Variants in CD163L1 observed in about 807,000 individuals in gnomAD.
CD163L1 encodes the protein scavenger receptor cysteine-rich type 1 protein M160.
A neutral mutation model predicts 165.4 loss-of-function variants in CD163L1; 124 were observed. That is an observed-to-expected ratio of 0.75 (90% CI 0.65 to 0.87). The LOEUF (loss-of-function observed/expected upper bound fraction) is 0.87, where lower values mean the gene tolerates loss of function less well. Ranked by LOEUF, CD163L1 falls within the 40% of genes least tolerant of loss-of-function variation. CD163L1 has a pLI of 0.00. For synonymous variants in CD163L1, 585 were observed against 662.2 expected (o/e 0.88, Z 1.79); for missense variants, 1,525 against 1,799.9 (o/e 0.85, Z 2.76).
At chr12:7,325,273 A>T in the CD163L1 span, among the ~76,000 whole-genome samples, 1 of 152,282 alleles carries the variant, frequency 6.6e-6, no homozygotes, top group Non-Finnish European at 1.5e-5. Context: ...CAGATACTGC[A>T]TAGGCAAAAG....
At chr12:7,351,434 C>T (rs1157533192), downstream of CD163L1, among the ~76,000 whole-genome samples, 1 of 152,102 alleles carries the variant, frequency 6.6e-6, no homozygotes. Flanking sequence ...TTGCAGACAG[C>T]CATCTTTTCA....
rs1383725942 is a variant in CD163L1, at chr12:7,400,408, A to G, written c.1409-1824T>C. Among the ~76,000 whole-genome samples the G allele has an allele frequency of 6.6e-6, 1 of 152,218 alleles. No homozygotes were observed. Among genetic ancestry groups the G allele is most frequent in the Non-Finnish European group, 1.5e-5 (1 of 68,036 alleles). On this transcript the variant is annotated intron_variant, in intron 6 of 19. Coordinates refer to ENST00000313599, the MANE Select transcript of CD163L1 (RefSeq NM_174941.6). The surrounding 1 kb of genome is among the most constrained non-coding windows in gnomAD (Gnocchi z 4.1). ...AGCAAAGAAAAACTTTTAATTCCTG[A>G]TGCAAACAAATATATAAATGAAGTA...
At chr12:7,383,248 G>A (rs1947450071) in intron 8 of CD163L1, among the ~76,000 whole-genome samples, 1 of 152,100 alleles carries the variant, frequency 6.6e-6, no homozygotes, top group African/African-American at 2.4e-5. Context: ...CAGTAGCCTT[G>A]AGGACAGACC....
chr12:7,330,684 C>T, the CD163L1 span, among the ~76,000 whole-genome samples: 1 of 152,132 alleles, frequency 6.6e-6, no homozygotes, highest in Admixed American at 6.5e-5. Context: ...AGAGAAAATG[C>T]TATTTAATTT....
chr12:7,396,298 G>C lies in CD163L1; in HGVS notation c.1847C>G (p.Ala616Gly), dbSNP rs1335855244. Residue 616 changes from alanine to glycine, a missense_variant, in exon 8 of 20, where the codon GCT (alanine) becomes GGT (glycine). By Grantham distance (60) the Ala-to-Gly change is moderately conservative. Coordinates refer to ENST00000313599, the MANE Select transcript of CD163L1 (RefSeq NM_174941.6). ...CAGCTGGCTACACACCACAGCTGCA[G>C]CTTTACTGTTCCAGCCGTCATCACA... ...TVCDDGWNSK[A>G]AAVVCSQLDC... 2 of 1,614,054 alleles carry C rather than the reference G, an allele frequency of 1.2e-6. No homozygotes were observed. The highest frequency in any genetic ancestry group is 1.7e-6 in the Non-Finnish European group (2 of 1,180,032).
At chr12:7,421,506 T>C (rs1206309155) in intron 4 of CD163L1, among the ~76,000 whole-genome samples, 1 of 82,498 alleles carries the variant, frequency 1.2e-5, no homozygotes, top group Admixed American at 1.4e-4. Context: ...TATGTACATA[T>C]ACATATACAT....
chr12:7,325,626 AAC>A, the CD163L1 span, among the ~76,000 whole-genome samples: 1 of 152,198 alleles, frequency 6.6e-6, no homozygotes, highest in Non-Finnish European at 1.5e-5. Context: ...CAGCCTGGAC[AAC>A]AGAGACAGAC....
Position 7,441,085 on chromosome 12 carries a change from G to A in CD163L1, c.124+69C>T, listed in dbSNP as rs961343530. On this transcript the variant is annotated intron_variant, in intron 2 of 19. Transcript: ENST00000313599. ...CTATTTCCCTCAAAATATGCACTTA[G>A]GGTAGTGAGTAGGGGAAAGGTAGAA... 3.8e-6 allele frequency: 4 copies of A among 1,042,406 alleles called. No individual in the cohort carries two copies. In the Admixed American group the frequency reaches 7.1e-5, roughly 18 times the overall value. The allele number at this position is 1,042,406 out of a possible 1,614,324, so 64.6% of individuals were successfully genotyped here. A position where few individuals can be genotyped will look rare whatever the true frequency, so the allele number is the denominator to read the frequency against.
At chr12:7,357,182 CTG>C (rs1946795370) in intron 19 of CD163L1, among the ~76,000 whole-genome samples, 196 bp downstream of exon 19, 1 of 152,106 alleles carries the variant, frequency 6.6e-6, no homozygotes, top group South Asian at 2.1e-4. Context: ...CTGATAAACT[CTG>C]TAAATTTTCT....
Position 7,399,251 on chromosome 12 carries a change from CTCT to C in CD163L1, c.1409-670_1409-668del, listed in dbSNP as rs1291577834. ...TGTCTTCTCTCATTCTTCTTTCTCTCTCTTCTTTCCTCTCTTTCTTCCTTTTTC... is the reference window on the plus strand; with the variant it reads ...TGTCTTCTCTCATTCTTCTTTCTCTCTCTTTCCTCTCTTTCTTCCTTTTTC... On this transcript the variant is annotated intron_variant, in intron 6 of 19. Transcript: ENST00000313599. Among the ~76,000 whole-genome samples, 18 of 146,384 alleles carry C rather than the reference CTCT, an allele frequency of 1.2e-4. No individual in the cohort carries two copies. In the South Asian group the frequency reaches 1.9e-3, roughly 16 times the overall value.
intron 4 of CD163L1, among the ~76,000 whole-genome samples, chr12:7,426,573 G>A (rs1421133272): frequency 6.6e-6 from 1 of 152,086 alleles, no homozygotes; most frequent in Non-Finnish European, 1.5e-5. Flanking sequence ...GGTGATGGGT[G>A]CACCAAAATC....
At chr12:7,355,553 TA>T (rs1946757290) in intron 19 of CD163L1, among the ~76,000 whole-genome samples, 4 of 152,126 alleles carry the variant, frequency 2.6e-5, no homozygotes, top group African/African-American at 9.6e-5. Context: ...AGAACAAAAG[TA>T]GGTTTTTTTG....
chr12:7,406,556 T>A lies in CD163L1; in HGVS notation c.1063A>T (p.Asn355Tyr). 1 of 1,614,048 alleles carries A rather than the reference T, an allele frequency of 6.2e-7. No individual in the cohort carries two copies. The highest frequency in any genetic ancestry group is 1.1e-5 in the South Asian group (1 of 91,090). The change falls in exon 5 of 20, where the codon AAC becomes TAC. Residue 355 changes from asparagine to tyrosine, a missense_variant. By Grantham distance (143) the Asn-to-Tyr change is moderately radical (BLOSUM62 -2). Coordinates refer to ENST00000313599, the MANE Select transcript of CD163L1 (RefSeq NM_174941.6). ...CCTGAGCAGATCACAGACACATCGT[T>A]TTGATGAAGACAGTCAAAATTGACG... is the stretch of plus-strand genomic sequence containing the variant. Reference protein sequence around the residue: ...GTVNFDCLHQNDVSVICSDGA... With the variant: ...GTVNFDCLHQYDVSVICSDGA...
Position 7,396,151 on chromosome 12 carries a change from C to T in CD163L1, c.1994G>A (p.Ser665Asn). The T allele has an allele frequency of 1.2e-6, 2 of 1,614,184 alleles. No individual in the cohort carries two copies. The highest frequency in any genetic ancestry group is 1.1e-5 in the South Asian group (1 of 91,090). The change falls in exon 8 of 20, where the codon AGT becomes AAT. Residue 665 changes from serine (S) to asparagine (N), a missense_variant. Ser to Asn is a conservative substitution (Grantham distance 46). Coordinates refer to ENST00000313599, the MANE Select transcript of CD163L1 (RefSeq NM_174941.6). ...ACTGCAGTCATTATTTCCCCACCCA[C>T]TGTTCCTGCATGACCAGAGATCTGA... is the stretch of plus-strand genomic sequence containing the variant. ...DESDLWSCRN[S>N]GWGNNDCSHS...
chr12:7,343,036 A>G (rs1946647777), downstream of CD163L1, among the ~76,000 whole-genome samples: 1 of 152,154 alleles, frequency 6.6e-6, no homozygotes, highest in African/African-American at 2.4e-5. Flanking sequence ...TTATGGGTCA[A>G]TAAGACAGCC....
intron 8 of CD163L1, among the ~76,000 whole-genome samples, chr12:7,386,604 C>CAAAAAAAA: frequency 8.5e-6 from 1 of 117,504 alleles, no homozygotes; most frequent in Non-Finnish European, 1.8e-5. Flanking sequence ...GTCAACATAT[C>CAAAAAAAA]AAAAAAAAAA....
downstream of CD163L1, among the ~76,000 whole-genome samples, chr12:7,344,320 A>G (rs945715629): frequency 6.6e-6 from 1 of 152,042 alleles, no homozygotes; most frequent in Non-Finnish European, 1.5e-5. Context: ...TCTCTCAACT[A>G]CATGCAATCT....
Position 7,432,880 on chromosome 12 carries a change from G to A in CD163L1, c.446-144C>T, listed in dbSNP as rs2136633343. 5 of 637,948 alleles carry A rather than the reference G, an allele frequency of 7.8e-6. No homozygotes were observed. Among genetic ancestry groups the A allele is most frequent in the Non-Finnish European group, 9.8e-6 (4 of 406,982 alleles). 39.5% of individuals were successfully genotyped at this position (637,948 alleles called of 1,614,324 possible). ...AATAACTGAAAATACTTATAGGAGG[G>A]GTATGTGAGGCTTTTTTCTAAACAC... is the stretch of plus-strand genomic sequence containing the variant. On this transcript the variant is annotated intron_variant, in intron 3 of 19. Coordinates refer to ENST00000313599, the MANE Select transcript of CD163L1 (RefSeq NM_174941.6). The surrounding 1 kb of genome is among the most constrained non-coding windows in gnomAD (Gnocchi z 4.2).
rs1947235522 is a variant in CD163L1 at position 7,375,068 on chromosome 12, G to A, written c.3002-145C>T. The A allele has an allele frequency of 4.6e-6, 4 of 870,784 alleles. No homozygotes were observed. In the South Asian group the frequency reaches 6.6e-5, roughly 14 times the overall value. 53.9% of individuals were successfully genotyped at this position (870,784 alleles called of 1,614,324 possible). A position where few individuals can be genotyped will look rare whatever the true frequency, so the allele number is the denominator to read the frequency against. On this transcript the variant is annotated intron_variant, in intron 11 of 19. Transcript: ENST00000313599. The stretch of plus-strand genomic sequence containing the variant: ...TATTGAAATCATTTTTATTAATGAT[G>A]TCTACTCGTAAATCCCAAACACAGA...
Sources: allele counts gnomAD v4.1 joint callset (sites outside exome capture counted in the v4.1 genomes callset), GRCh38; gene constraint gnomAD v4.1.1; non-coding constraint Gnocchi (gnomAD v3.1); transcripts MANE v1.5; gene names NCBI Gene and HGNC (gene_info 2026-07-23, HGNC 2026-07-21).